Variants in ABCA13 observed in about 807,000 individuals in gnomAD.
ABCA13 encodes the protein ATP-binding cassette sub-family A member 13.
Under a neutral mutation model 478.7 loss-of-function variants are expected in ABCA13, and 476 were observed. The observed-to-expected ratio is 0.99, with a 90% confidence interval of 0.92 to 1.07. The LOEUF (loss-of-function observed/expected upper bound fraction) is 1.07, where lower values mean the gene tolerates loss of function less well. Ranked by LOEUF, ABCA13 falls within the 50% of genes least tolerant of loss-of-function variation. The pLI is 0.00. For missense variants in ABCA13, 6,060 were observed against 5,910.6 expected (o/e 1.03, Z -0.83); for synonymous variants, 2,252 against 2,158.9 (o/e 1.04, Z -1.20).
Position 48,454,549 on chromosome 7 carries a change from C to G in ABCA13, c.12566-488C>G, listed in dbSNP as rs143382227. ...CGCAGTGGGCAGGCGCCGGGCTCTCCTATGCCCTGCGGGGAAGTGGAAGGC... is the reference window on the plus strand; with the variant it reads ...CGCAGTGGGCAGGCGCCGGGCTCTCGTATGCCCTGCGGGGAAGTGGAAGGC... On this transcript the variant is annotated intron_variant, in intron 42 of 61. Transcript: ENST00000435803. Among the ~76,000 whole-genome samples, 1,264 of 152,152 alleles carry G rather than the reference C, an allele frequency of 8.3e-3. 25 individuals carry two copies. Among genetic ancestry groups the G allele is most frequent in the African/African-American group, 0.029 (1,213 of 41,526 alleles).
At chr7:48,335,222 C>G (rs550136505) in intron 27 of ABCA13, among the ~76,000 whole-genome samples, 200 bp from the exon 28 acceptor site, 1 of 152,260 alleles carries the variant, frequency 6.6e-6, no homozygotes, top group South Asian at 2.1e-4. Context: ...CCTGGATGGA[C>G]AGAGTCAAGG....
intron 49 of ABCA13, 150 bp from the exon 50 acceptor site, chr7:48,507,722 G>A (rs930258328): frequency 3.2e-5 from 29 of 893,162 alleles, no homozygotes; most frequent in Non-Finnish European, 4.6e-5. Flanking sequence ...GGGATTTAAT[G>A]AGGGAATCCA....
At chr7:48,326,610 G>A (rs981458265) in intron 27 of ABCA13, among the ~76,000 whole-genome samples, 1 of 152,210 alleles carries the variant, frequency 6.6e-6, no homozygotes, top group Non-Finnish European at 1.5e-5. Context: ...TAAAGAAAGT[G>A]AGTCTTAGGG....
chr7:48,269,417 T>C (rs1334622641), intron 16 of ABCA13, among the ~76,000 whole-genome samples: 2 of 152,232 alleles, frequency 1.3e-5, no homozygotes, highest in Non-Finnish European at 2.9e-5. Flanking sequence ...CTTAGCTAGT[T>C]ACCTAGAGTT....
chr7:48,377,221 T>C (rs935565408), intron 35 of ABCA13, among the ~76,000 whole-genome samples: 1 of 148,162 alleles, frequency 6.7e-6, no homozygotes, highest in Non-Finnish European at 1.5e-5. Flanking sequence ...CCAGTAATGG[T>C]AATGGGTTTT....
Position 48,587,148 on chromosome 7 carries a change from T to C in ABCA13, c.14506-6T>C. The C allele has an allele frequency of 6.2e-7, 1 of 1,613,148 alleles. No homozygotes were observed. The highest frequency in any genetic ancestry group is 8.5e-7 in the Non-Finnish European group (1 of 1,179,586). On this transcript the variant is annotated splice_region_variant and splice_polypyrimidine_tract_variant and intron_variant, in intron 56 of 61. Coordinates refer to ENST00000435803, the MANE Select transcript of ABCA13 (RefSeq NM_152701.5). ...TGGTGTGCACATGGACATGCCTCTC[T>C]TCCAGGTTGCTGGAGACCTCATCAG...
chr7:48,234,019 G>C lies in ABCA13; in HGVS notation c.765G>C (p.Glu255Asp). 6.2e-7 allele frequency: 1 copy of C among 1,613,764 alleles called. No individual in the cohort carries two copies. The highest frequency in any genetic ancestry group is 8.5e-7 in the Non-Finnish European group (1 of 1,179,762). Residue 255 changes from glutamate (E) to aspartate (D), a missense_variant and splice_region_variant, in exon 8 of 62, where the codon GAG becomes GAC. This residue lies in a region of ABCA13 where 4,423 missense variants were observed against 4,309.1 expected (regional missense o/e 1.03). Coordinates refer to ENST00000435803, the MANE Select transcript of ABCA13 (RefSeq NM_152701.5). ...GTAAATCTTTTGTTATTCCAACAGA[G>C]CCAGTTTACCACCTGTCCATGCAGA... ...FLQQHGVAVT[E>D]PVYHLSMQNI...
At chr7:48,638,694 C>A (rs1008890591) in intron 59 of ABCA13, among the ~76,000 whole-genome samples, 1 of 152,090 alleles carries the variant, frequency 6.6e-6, no homozygotes, top group Non-Finnish European at 1.5e-5. Flanking sequence ...GAGGTAAGCC[C>A]CATGGTCTCA....
intron 45 of ABCA13, among the ~76,000 whole-genome samples, chr7:48,473,914 A>G (rs2130367527): frequency 6.6e-6 from 1 of 152,352 alleles, no homozygotes; most frequent in Admixed American, 6.5e-5. Flanking sequence ...GTGACACAGT[A>G]CGCTTAGTGA....
rs904038979 is a variant in ABCA13, at chr7:48,247,572, G to A, written c.1660-667G>A. Among the ~76,000 whole-genome samples the A allele has an allele frequency of 3.3e-5, 5 of 152,234 alleles. 1 individual carries two copies. Among genetic ancestry groups the A allele is most frequent in the Admixed American group, 6.5e-5 (1 of 15,290 alleles). On this transcript the variant is annotated intron_variant, in intron 13 of 61. Coordinates refer to ENST00000435803, the MANE Select transcript of ABCA13 (RefSeq NM_152701.5). ...CTCTGGGTTGACCAGTCTCCGTGGG[G>A]TGGTTCTTCTGATGGTCTTACTGGG...
chr7:48,528,669 G>A lies in ABCA13; in HGVS notation c.14354+324G>A, dbSNP rs575243583. On this transcript the variant is annotated intron_variant, in intron 55 of 61. Coordinates refer to ENST00000435803, the MANE Select transcript of ABCA13 (RefSeq NM_152701.5). ...CTCAGGGGAGCAGGAAATGGCCAAG[G>A]GGTGGTTCTTCTTTATTCTCCTCTG... Among the ~76,000 whole-genome samples the A allele has an allele frequency of 4.9e-4, 74 of 152,148 alleles. 1 individual carries two copies. Among genetic ancestry groups the A allele is most frequent in the Non-Finnish European group, 9.4e-4 (64 of 68,004 alleles).
At chr7:48,396,623 C>A (rs2129062692) in intron 38 of ABCA13, among the ~76,000 whole-genome samples, 1 of 152,354 alleles carries the variant, frequency 6.6e-6, no homozygotes, top group Admixed American at 6.5e-5. Flanking sequence ...AGGGCAGATT[C>A]TCTAGCACAT....
chr7:48,204,492 T>G (rs1486149219), intron 3 of ABCA13, among the ~76,000 whole-genome samples: 1 of 152,148 alleles, frequency 6.6e-6, no homozygotes, highest in Non-Finnish European at 1.5e-5. Flanking sequence ...ATTACAGGCG[T>G]GAGCCACCGC....
chr7:48,519,966 A>G, intron 52 of ABCA13, 75 bp from the exon 53 acceptor site: 3 of 1,411,756 alleles, frequency 2.1e-6, no homozygotes, highest in Non-Finnish European at 2.8e-6. Context: ...CAAGGAGAAA[A>G]AGAAGTTATT....
intron 59 of ABCA13, among the ~76,000 whole-genome samples, chr7:48,622,098 C>T (rs1309254443): frequency 6.6e-6 from 1 of 152,118 alleles, no homozygotes; most frequent in Admixed American, 6.5e-5. Flanking sequence ...ACCCTCTGGC[C>T]TATTTCAACT....
In ABCA13 at chr7:48,412,513, A is replaced by C; in HGVS notation, c.12389A>C (p.Gln4130Pro). ...TDKACLKGLF[Q>P]ALDENLHQLH... ...AAGGCCTGCTTGAAAGGGCTCTTCCAGGCCCTGGATGAGAACCTGCATCAG... is the reference window on the plus strand; with the variant it reads ...AAGGCCTGCTTGAAAGGGCTCTTCCCGGCCCTGGATGAGAACCTGCATCAG... The change falls in exon 41 of 62, where the codon CAG (glutamine) becomes CCG (proline). Residue 4130 changes from glutamine to proline, a missense_variant. By Grantham distance (76) the Gln-to-Pro change is moderately conservative. This residue lies in a region of ABCA13 where 1,627 missense variants were observed against 1,571.0 expected (regional missense o/e 1.04). Coordinates refer to ENST00000435803, the MANE Select transcript of ABCA13 (RefSeq NM_152701.5). 6.2e-7 allele frequency: 1 copy of C among 1,613,572 alleles called. No homozygotes were observed.
Position 48,276,003 on chromosome 7 carries a change from T to C in ABCA13, c.6337T>C (p.Leu2113=), listed in dbSNP as rs373692608. ...CCTGGAAATCCTGGATTCACCGTCA[T>C]TGAAGACATTAGAAATTATTGAAGA... ...HFLEILDSPS[L]KTLEIIEDFL... is the part of the protein sequence containing the mutation. The change falls in exon 17 of 62, where the codon TTG becomes CTG. Residue 2113 remains leucine, a synonymous_variant. Transcript: ENST00000435803. The C allele has an allele frequency of 3.0e-5, 48 of 1,612,680 alleles. No individual in the cohort carries two copies. In the African/African-American group the frequency reaches 6.1e-4, roughly 21 times the overall value.
At chr7:48,446,339 T>C (rs1424953837) in intron 42 of ABCA13, among the ~76,000 whole-genome samples, 1 of 151,742 alleles carries the variant, frequency 6.6e-6, no homozygotes, top group Non-Finnish European at 1.5e-5. Flanking sequence ...ACTGAGTGAT[T>C]TGGGGAGACA....
intron 15 of ABCA13, among the ~76,000 whole-genome samples, chr7:48,268,196 AC>A (rs1795114753): frequency 6.6e-6 from 1 of 151,964 alleles, no homozygotes. Context: ...TCGCTCTGTC[AC>A]CCAGGCAGGA....
Sources: gnomAD v4.1 joint callset for allele counts (sites outside exome capture counted in the v4.1 genomes callset) on GRCh38, gnomAD v4.1.1 for gene constraint, gnomAD v4.1.1 regional missense constraint, MANE v1.5 for transcripts, NCBI Gene and HGNC (gene_info 2026-07-23, HGNC 2026-07-21) for gene names.